RFWD3: variants seen among roughly 807,000 people sequenced by gnomAD.
RFWD3 encodes the protein E3 ubiquitin-protein ligase RFWD3.
Under a neutral mutation model 87.7 loss-of-function variants are expected in RFWD3, and 65 were observed. That is an observed-to-expected ratio of 0.74 (90% CI 0.61 to 0.91). The LOEUF is 0.91. Among genes scored for constraint, RFWD3 ranks in the 40% least tolerant of loss-of-function variants. The pLI is 0.00. For missense variants in RFWD3, 1,078 were observed against 938.5 expected (o/e 1.15, Z -1.94); for synonymous variants, 433 against 352.8 (o/e 1.23, Z -2.55).
chr16:74,651,817 A>T, intron 3 of RFWD3, 103 bp downstream of exon 3: 1 of 979,940 alleles, frequency 1.0e-6, no homozygotes, highest in Non-Finnish European at 1.6e-6. Flanking sequence ...CATTTAGGGG[A>T]GAAAAGGGAA....
intron 6 of RFWD3, among the ~76,000 whole-genome samples, chr16:74,639,201 CTAA>C (rs1959422477): frequency 6.6e-6 from 1 of 152,034 alleles, no homozygotes; most frequent in Admixed American, 6.6e-5. Context: ...ACACACCCAG[CTAA>C]TTTTTGTATT....
At position 74,652,133 on chromosome 16, in the gene RFWD3, AG is replaced by A; in HGVS notation, c.519-12del. 4 of 1,611,898 alleles carry A rather than the reference AG, an allele frequency of 2.5e-6. 1 individual carries two copies. In the South Asian group the frequency reaches 4.4e-5, roughly 18 times the overall value. On this transcript the variant is annotated splice_polypyrimidine_tract_variant and intron_variant, in intron 2 of 12. Coordinates refer to ENST00000361070, the MANE Select transcript of RFWD3 (RefSeq NM_018124.4). ...AATGGTGCTCTCAACCTATGTACAC[AG>A]AAAGACAACGGAATTATAGTACAAT... is the stretch of plus-strand genomic sequence containing the variant.
chr16:74,648,940 G>A (rs952340310), intron 4 of RFWD3, among the ~76,000 whole-genome samples, 192 bp downstream of exon 4: 5 of 152,000 alleles, frequency 3.3e-5, no homozygotes, highest in Admixed American at 6.6e-5. Context: ...AAATGTAGCC[G>A]AGTGTGGTGG....
At chr16:74,640,527 G>A (rs778926157) in intron 6 of RFWD3, among the ~76,000 whole-genome samples, 13 of 152,128 alleles carry the variant, frequency 8.5e-5, no homozygotes, top group Non-Finnish European at 1.8e-4. Flanking sequence ...CAGGTGTGGT[G>A]GCATGCGCCT....
chr16:74,638,362 C>G (rs886431614), intron 6 of RFWD3, among the ~76,000 whole-genome samples: 1 of 151,972 alleles, frequency 6.6e-6, no homozygotes, highest in African/African-American at 2.4e-5. Flanking sequence ...AAAAAAGAAT[C>G]TGAAGTTAAA....
rs1959075105 is a variant in RFWD3 at position 74,630,919 on chromosome 16, C to A, written c.1616G>T (p.Gly539Val). The A allele has an allele frequency of 1.2e-6, 2 of 1,613,878 alleles. No homozygotes were observed. The highest frequency in any genetic ancestry group is 2.2e-5 in the East Asian group (1 of 44,854). The change falls in exon 10 of 13, where the codon GGA becomes GTA. Residue 539 changes from glycine to valine, a missense_variant. Gly to Val is a moderately radical substitution (Grantham distance 109, BLOSUM62 -3). Coordinates refer to ENST00000361070, the MANE Select transcript of RFWD3 (RefSeq NM_018124.4). ...TNTVVQTYNA[G>V]RPVWSCCWCL... ...CCAGCAACAGCTCCAGACAGGACGT[C>A]CAGCATTATAAGTCTGGACCACGGT...
Position 74,646,602 on chromosome 16 carries a change from A to C in RFWD3, c.793-1867T>G, listed in dbSNP as rs189867313. ...GGAGATCGAGACCATCCTGGCTGAC[A>C]TGGTGAAACCTCGTCTCTACTAAAA... On this transcript the variant is annotated intron_variant, in intron 4 of 12. Transcript: ENST00000361070. Among the ~76,000 whole-genome samples, 161 of 152,266 alleles carry C rather than the reference A, an allele frequency of 1.1e-3. 1 individual carries two copies. Among genetic ancestry groups the C allele is most frequent in the Admixed American group, 9.0e-3 (137 of 15,290 alleles).
Position 74,644,629 on chromosome 16 carries a change from T to G in RFWD3, c.899A>C (p.His300Pro). 6.2e-7 allele frequency: 1 copy of G among 1,614,206 alleles called. No homozygotes were observed. Among genetic ancestry groups the G allele is most frequent in the Non-Finnish European group, 8.5e-7 (1 of 1,180,044 alleles). The change falls in exon 5 of 13, where the codon CAC (histidine) becomes CCC (proline). Residue 300 changes from histidine to proline, a missense_variant. His to Pro is a moderately conservative substitution (Grantham distance 77, BLOSUM62 -2). Transcript: ENST00000361070. The stretch of plus-strand genomic sequence containing the variant: ...CCCACAGCGTAATGCTGAGAGCCGG[T>G]GGTCCCCAGCATTGGTCCACTGTTC... ...CLEQWTNAGD[H>P]RLSALRCGHL...
chr16:74,638,022 T>A lies in RFWD3; in HGVS notation c.1080-52A>T, dbSNP rs76634113. On this transcript the variant is annotated intron_variant, in intron 6 of 12. Transcript: ENST00000361070. The stretch of plus-strand genomic sequence containing the variant: ...GGGGATTAGGAAGGCTACAGAAGAC[T>A]TCCCATCCAGGTGGCAGAGTTAAGT... The A allele has an allele frequency of 1.9e-3, 2,379 of 1,261,836 alleles. 43 individuals carry two copies. The African/African-American group carries it at 0.029, about 15-fold the overall frequency. 78.2% of individuals were successfully genotyped at this position (1,261,836 alleles called of 1,614,324 possible). A position where few individuals can be genotyped will look rare whatever the true frequency, so the allele number is the denominator to read the frequency against.
intron 2 of RFWD3, among the ~76,000 whole-genome samples, chr16:74,652,600 T>C (rs760581202): frequency 3.3e-5 from 5 of 152,238 alleles, no homozygotes; most frequent in Non-Finnish European, 7.3e-5. Context: ...TTTAGGATAG[T>C]ATTTTTCTTT....
intron 11 of RFWD3, among the ~76,000 whole-genome samples, chr16:74,627,017 C>T (rs1472127454): frequency 6.6e-6 from 1 of 152,084 alleles, no homozygotes; most frequent in Non-Finnish European, 1.5e-5. Context: ...TGCTGGGAGG[C>T]AAACAAAAGC....
At chr16:74,648,935 T>TAGCC (rs1467808307) in intron 4 of RFWD3, among the ~76,000 whole-genome samples, 197 bp downstream of exon 4, 1 of 152,088 alleles carries the variant, frequency 6.6e-6, no homozygotes, top group Admixed American at 6.5e-5. Context: ...ATAAAAAATG[T>TAGCC]AGCCGAGTGT....
chr16:74,628,763 G>C, intron 10 of RFWD3, 97 bp from the exon 11 acceptor site: 1 of 1,075,362 alleles, frequency 9.3e-7, no homozygotes, highest in Non-Finnish European at 1.4e-6. Flanking sequence ...CCTCTGCAGA[G>C]GAGGTTAAAC....
rs940883379 is a variant in RFWD3 at position 74,634,398 on chromosome 16, A to T, written c.1427-1725T>A. Among the ~76,000 whole-genome samples, 8 of 129,016 alleles carry T rather than the reference A, an allele frequency of 6.2e-5. No homozygotes were observed. In the South Asian group the frequency reaches 1.0e-3, roughly 17 times the overall value. The allele number at this position is 129,016 out of a possible 152,430, so 84.6% of individuals were successfully genotyped here. A position where few individuals can be genotyped will look rare whatever the true frequency, so the allele number is the denominator to read the frequency against. On this transcript the variant is annotated intron_variant, in intron 8 of 12. Coordinates refer to ENST00000361070, the MANE Select transcript of RFWD3 (RefSeq NM_018124.4). ...GTACTTTATATATATATATATATAT[A>T]TTTTGAGACAAGGCCTCACTCTGTC...
chr16:74,623,167 C>G lies in RFWD3; in HGVS notation c.*761G>C, dbSNP rs186062086. ...AGCTGGCTAGAAAAAACAAAATCTT[C>G]CCCACCGCTCAAACAACTGGCCTCT... On this transcript the variant is annotated 3_prime_UTR_variant, in exon 13 of 13. Coordinates refer to ENST00000361070, the MANE Select transcript of RFWD3 (RefSeq NM_018124.4). 2.6e-5 allele frequency: 4 copies of G among 152,680 alleles called. No individual in the cohort carries two copies. Among genetic ancestry groups the G allele is most frequent in the African/African-American group, 9.6e-5 (4 of 41,578 alleles). The allele number at this position is 152,680 out of a possible 1,614,324, so 9.5% of individuals were successfully genotyped here.
chr16:74,656,276 A>C (rs1264992881), intron 2 of RFWD3, among the ~76,000 whole-genome samples: 2 of 136,758 alleles, frequency 1.5e-5, no homozygotes, highest in Admixed American at 1.6e-4. Context: ...ACTGTACTCC[A>C]GCCTGGGCAA....
rs769409271 is a variant in RFWD3, at chr16:74,661,352, G to A, written c.98C>T (p.Pro33Leu). 6.2e-7 allele frequency: 1 copy of A among 1,613,946 alleles called. No homozygotes were observed. Among genetic ancestry groups the A allele is most frequent in the African/African-American group, 1.3e-5 (1 of 74,910 alleles). ...AGCAGGAACAGGCTGGAGGAGGGCTGGTCCCCCTTGGCTGCTGGCCATGCC... is the reference window on the plus strand; with the variant it reads ...AGCAGGAACAGGCTGGAGGAGGGCTAGTCCCCCTTGGCTGCTGGCCATGCC... ...PAGMASSQGG[P>L]ALLQPVPADV... The change falls in exon 2 of 13, where the codon CCA becomes CTA. Residue 33 changes from proline to leucine, a missense_variant. Pro to Leu is a moderately conservative substitution (Grantham distance 98). Coordinates refer to ENST00000361070, the MANE Select transcript of RFWD3 (RefSeq NM_018124.4).
chr16:74,659,903 A>G (rs1961291995), intron 2 of RFWD3, among the ~76,000 whole-genome samples: 2 of 152,176 alleles, frequency 1.3e-5, no homozygotes, highest in Admixed American at 6.6e-5. Flanking sequence ...AGTGTTAGAA[A>G]ACATCGGCAT....
chr16:74,643,388 C>T (rs562749685), intron 6 of RFWD3, among the ~76,000 whole-genome samples: 1 of 152,208 alleles, frequency 6.6e-6, no homozygotes, highest in Non-Finnish European at 1.5e-5. Flanking sequence ...CACCACCGTT[C>T]ATTCAACTAA....
Sources: allele counts gnomAD v4.1 joint callset (sites outside exome capture counted in the v4.1 genomes callset), GRCh38; gene constraint gnomAD v4.1.1; transcripts MANE v1.5; gene names NCBI Gene and HGNC (gene_info 2026-07-23, HGNC 2026-07-21).